The following NYAP2 variants were observed in gnomAD, a reference collection of about 807,000 sequenced individuals.
NYAP2 encodes neuronal tyrosine-phosphorylated phosphoinositide-3-kinase adaptor 2.
A neutral mutation model predicts 50.4 loss-of-function variants in NYAP2; 23 were observed. That is an observed-to-expected ratio of 0.46 (90% CI 0.33 to 0.65). NYAP2 has a LOEUF of 0.65. Ranked by LOEUF, NYAP2 falls within the 30% of genes least tolerant of loss-of-function variation. The pLI, the probability that NYAP2 is intolerant of heterozygous loss-of-function variation, is 0.02. For missense variants in NYAP2, 885 were observed against 861.0 expected, an observed-to-expected ratio of 1.03 and a Z score of -0.35; for synonymous variants, 394 against 365.2, an observed-to-expected ratio of 1.08 and a Z score of -0.90.
chr2:225,456,653 G>A (rs940291454), intron 3 of NYAP2, among the ~76,000 whole-genome samples: 4 of 152,142 alleles, frequency 2.6e-5, no homozygotes, highest in African/African-American at 9.7e-5. Context: ...TGTGCTGTCT[G>A]TATAGAGAAG....
chr2:225,403,185 C>T (rs935004365), intron 2 of NYAP2, among the ~76,000 whole-genome samples: 3 of 151,886 alleles, frequency 2.0e-5, no homozygotes, highest in Non-Finnish European at 2.9e-5. Context: ...TTCTCTACCT[C>T]AAAGAAGATG....
At chr2:225,651,640 T>G in exon 7 of NYAP2, 1 of 1,560,280 alleles carries the variant, frequency 6.4e-7, no homozygotes, top group Non-Finnish European at 8.7e-7. Flanking sequence ...TCGCATTTGC[T>G]TTTATTTTTC....
chr2:225,539,929 A>T (rs1195676509), intron 4 of NYAP2, among the ~76,000 whole-genome samples: 1 of 152,154 alleles, frequency 6.6e-6, no homozygotes, highest in Non-Finnish European at 1.5e-5. Context: ...CTTCTGCCAG[A>T]TACCCTTAAT....
chr2:225,696,714 T>C, the NYAP2 span, among the ~76,000 whole-genome samples: 4 of 151,988 alleles, frequency 2.6e-5, no homozygotes, highest in Non-Finnish European at 4.4e-5. Flanking sequence ...TCTAGTTCTG[T>C]GTATACATAC....
intron 5 of NYAP2, among the ~76,000 whole-genome samples, chr2:225,594,115 CTA>C: frequency 6.6e-6 from 1 of 152,132 alleles, no homozygotes; most frequent in East Asian, 1.9e-4. Flanking sequence ...GATCTCTTTT[CTA>C]TGTTTGTAGA....
chr2:225,436,038 CTAGGCACCAGACACT>C (rs1032153639), intron 3 of NYAP2, among the ~76,000 whole-genome samples: 16 of 152,186 alleles, frequency 1.1e-4, no homozygotes, highest in Non-Finnish European at 1.5e-5. Context: ...TGATCACCTA[CTAGGCACCAGACACT>C]GTAGTTTGCA....
chr2:225,496,359 G>A (rs1690505485), intron 3 of NYAP2, among the ~76,000 whole-genome samples: 2 of 152,010 alleles, frequency 1.3e-5, no homozygotes, highest in African/African-American at 2.4e-5. Context: ...GTGTGGCCAG[G>A]GAATATGTGT....
intron 4 of NYAP2, among the ~76,000 whole-genome samples, chr2:225,529,578 G>A (rs934734794): frequency 1.5e-4 from 23 of 152,160 alleles, no homozygotes; most frequent in African/African-American, 5.5e-4. Context: ...ACCCGCCTCG[G>A]CCTCCATAAG....
chr2:225,493,564 T>C (rs989839314), intron 3 of NYAP2, among the ~76,000 whole-genome samples: 8 of 152,206 alleles, frequency 5.3e-5, no homozygotes, highest in African/African-American at 1.7e-4. Context: ...GGTAACTCAG[T>C]GTCTCTACTA....
intron 4 of NYAP2, among the ~76,000 whole-genome samples, chr2:225,571,899 T>C (rs1233430774): frequency 6.6e-6 from 1 of 152,162 alleles, no homozygotes; most frequent in African/African-American, 2.4e-5. Flanking sequence ...CTCTACTTCC[T>C]CTTGAACGCT....
chr2:225,489,165 T>C (rs1343347345), intron 3 of NYAP2, among the ~76,000 whole-genome samples: 2 of 152,020 alleles, frequency 1.3e-5, no homozygotes, highest in Non-Finnish European at 2.9e-5. Flanking sequence ...GAGGCTCCCC[T>C]TTTTCCCCTT....
chr2:225,527,367 C>T (rs569235213), intron 4 of NYAP2, among the ~76,000 whole-genome samples: 1 of 152,272 alleles, frequency 6.6e-6, no homozygotes, highest in South Asian at 2.1e-4. Context: ...TTCACAGTTT[C>T]CTTGGGTTAG....
chr2:225,651,421 CT>C lies in NYAP2; in HGVS notation c.1829-9del, dbSNP rs1478561768. The C allele has an allele frequency of 1.2e-6, 2 of 1,613,892 alleles. No homozygotes were observed. Among genetic ancestry groups the C allele is most frequent in the Non-Finnish European group, 1.7e-6 (2 of 1,179,854 alleles). On this transcript the variant is annotated splice_polypyrimidine_tract_variant and intron_variant, in intron 6 of 6. Coordinates refer to ENST00000636099, the Ensembl canonical transcript of NYAP2. ...TCAGCTAATATTGTGTCTTTTTCCG[CT>C]TGTTTCCAGAGCCTAAAGTAAGCTG...
upstream of NYAP2, among the ~76,000 whole-genome samples, chr2:225,397,963 A>G (rs1694799867): frequency 6.6e-6 from 1 of 151,740 alleles, no homozygotes; most frequent in Non-Finnish European, 1.5e-5. Flanking sequence ...AAAAAGATAT[A>G]TTTTCCTAAA....
rs548945544 is a variant in NYAP2, at chr2:225,632,048, C to T, written c.1828+4922C>T. ...GATCAGGCTAGTCTCAAACTCCTGA[C>T]CTCAGGTGATCCACCTGCCTAAGCG... is the stretch of plus-strand genomic sequence containing the variant. On this transcript the variant is annotated intron_variant, in intron 6 of 6. Transcript: ENST00000636099. 7.9e-5 allele frequency among the ~76,000 whole-genome samples: 12 copies of T among 152,280 alleles called. No individual in the cohort carries two copies. In the South Asian group the frequency reaches 2.3e-3, roughly 29 times the overall value.
intron 4 of NYAP2, among the ~76,000 whole-genome samples, chr2:225,517,326 G>A (rs1690954307): frequency 6.6e-6 from 1 of 152,146 alleles, no homozygotes; most frequent in African/African-American, 2.4e-5. Context: ...AGTAGAAAGA[G>A]TGAGAGGCCC....
rs552012663 is a variant in NYAP2 at position 225,529,928 on chromosome 2, C to T, written c.523+16256C>T. Among the ~76,000 whole-genome samples the T allele has an allele frequency of 1.5e-4, 22 of 151,400 alleles. 1 individual carries two copies. The highest frequency in any genetic ancestry group is 3.4e-4 in the African/African-American group (14 of 41,244). ...TTCACCATGTTGGCCAGGATGGTCTCGATCTTCTGACCTCGTGATCCACCC... is the reference window on the plus strand; with the variant it reads ...TTCACCATGTTGGCCAGGATGGTCTTGATCTTCTGACCTCGTGATCCACCC... On this transcript the variant is annotated intron_variant, in intron 4 of 6. Coordinates refer to ENST00000636099, the Ensembl canonical transcript of NYAP2.
intron 4 of NYAP2, among the ~76,000 whole-genome samples, chr2:225,563,762 T>A (rs1312150113): frequency 6.6e-6 from 1 of 152,150 alleles, no homozygotes; most frequent in African/African-American, 2.4e-5. Flanking sequence ...AATTTGAGTT[T>A]GAAAATGTAC....
intron 4 of NYAP2, among the ~76,000 whole-genome samples, chr2:225,571,768 C>T (rs1486839328): frequency 2.0e-5 from 3 of 152,346 alleles, no homozygotes; most frequent in Non-Finnish European, 2.9e-5. Context: ...TGGTGATTAA[C>T]ATTTGGCTCC....
Sources: gnomAD v4.1 joint callset for allele counts (sites outside exome capture counted in the v4.1 genomes callset) on GRCh38, gnomAD v4.1.1 for gene constraint, MANE v1.5 for transcripts, NCBI Gene and HGNC (gene_info 2026-07-23, HGNC 2026-07-21) for gene names.